The following LRBA variants were observed in gnomAD, a reference collection of about 807,000 sequenced individuals.
LRBA encodes the protein LPS responsive beige-like anchor protein, also known as lipopolysaccharide-responsive and beige-like anchor protein.
In LRBA, 176 loss-of-function variants were observed where a neutral mutation model predicts 330.0. The observed-to-expected ratio is 0.53, with a 90% CI of 0.47 to 0.60. The LOEUF (loss-of-function observed/expected upper bound fraction) is 0.60, where lower values mean the gene tolerates loss of function less well. Among genes scored for constraint, LRBA ranks in the 20% least tolerant of loss-of-function variants. LRBA has a pLI of 0.00. For missense variants in LRBA, 3,259 were observed against 3,444.8 expected (o/e 0.95, Z 1.35); for synonymous variants, 1,230 against 1,193.0 (o/e 1.03, Z -0.64).
chr4:150,462,334 CTTTTGCAATACAAGAAAAGATTTAA>C (rs1480645360), intron 44 of LRBA, among the ~76,000 whole-genome samples: 1 of 151,526 alleles, frequency 6.6e-6, no homozygotes, highest in Non-Finnish European at 1.5e-5. Flanking sequence ...TAAATGAGGA[CTTTTGCAATACAAGAAAAGATTTAA>C]TTTTCACCAG....
intron 37 of LRBA, among the ~76,000 whole-genome samples, chr4:150,660,496 C>G (rs548239371): frequency 7.9e-5 from 12 of 151,472 alleles, no homozygotes; most frequent in South Asian, 6.3e-4. Flanking sequence ...GTCAGCCCCC[C>G]CCGCCCGGCC....
intron 35 of LRBA, among the ~76,000 whole-genome samples, chr4:150,739,906 C>A (rs1458529212): frequency 1.3e-5 from 2 of 152,172 alleles, no homozygotes; most frequent in African/African-American, 4.8e-5. Context: ...CTGGCCAGCA[C>A]CTCAATTGCA....
intron 2 of LRBA, among the ~76,000 whole-genome samples, chr4:150,938,076 T>TAAA (rs58730047): frequency 7.6e-6 from 1 of 132,268 alleles, no homozygotes. Context: ...TGGTATAGTT[T>TAAA]AAAAAAAAAA....
At chr4:150,753,386 T>G (rs918453260) in intron 35 of LRBA, among the ~76,000 whole-genome samples, 1 of 152,196 alleles carries the variant, frequency 6.6e-6, no homozygotes, top group Non-Finnish European at 1.5e-5. Context: ...TGACGCTATT[T>G]TCATTTTATT....
intron 41 of LRBA, among the ~76,000 whole-genome samples, chr4:150,489,071 T>TAATATATTATATATAAGAATATATAA (rs1561249121): frequency 4.2e-5 from 4 of 94,384 alleles, no homozygotes; most frequent in South Asian, 2.8e-4. Flanking sequence ...ATATAATATA[T>TAATATATTATATATAAGAATATATAA]TATATATAAT....
intron 36 of LRBA, among the ~76,000 whole-genome samples, chr4:150,732,049 T>G (rs950955626): frequency 6.6e-6 from 1 of 152,132 alleles, no homozygotes; most frequent in African/African-American, 2.4e-5. Context: ...AATAATTAAC[T>G]AAAATGGCTT....
chr4:150,747,877 C>A (rs1450031233), intron 35 of LRBA, among the ~76,000 whole-genome samples: 1 of 152,182 alleles, frequency 6.6e-6, no homozygotes, highest in Non-Finnish European at 1.5e-5. Context: ...GTGTTTATAT[C>A]TCTAACCCTA....
At chr4:150,448,826 G>A (rs1390868020) in intron 44 of LRBA, among the ~76,000 whole-genome samples, 1 of 125,076 alleles carries the variant, frequency 8.0e-6, no homozygotes, top group Non-Finnish European at 1.7e-5. Context: ...AAAAAAAGGG[G>A]GGGGGGGTGG....
intron 37 of LRBA, among the ~76,000 whole-genome samples, chr4:150,635,517 G>C (rs970259875): frequency 1.3e-5 from 2 of 151,994 alleles, no homozygotes; most frequent in African/African-American, 4.8e-5. Context: ...CTTCCTACCA[G>C]GGTTTGTCTT....
At chr4:150,359,289 T>G (rs1738325851) in intron 47 of LRBA, among the ~76,000 whole-genome samples, 1 of 152,178 alleles carries the variant, frequency 6.6e-6, no homozygotes, top group Non-Finnish European at 1.5e-5. Flanking sequence ...TGCTAGACTC[T>G]GGGGATACTG....
chr4:150,337,717 G>T (rs1001310579), intron 48 of LRBA, among the ~76,000 whole-genome samples: 8 of 151,788 alleles, frequency 5.3e-5, no homozygotes, highest in Admixed American at 5.3e-4. Flanking sequence ...TCTTAACTTC[G>T]GTATTCAATA....
chr4:150,852,401 C>G lies in LRBA; in HGVS notation c.3309G>C (p.Glu1103Asp), dbSNP rs754899556. 1 of 1,613,628 alleles carries G rather than the reference C, an allele frequency of 6.2e-7. No individual in the cohort carries two copies. Among genetic ancestry groups the G allele is most frequent in the Admixed American group, 1.7e-5 (1 of 60,022 alleles). ...CCACATAATCATCATCTTCCTCTTCCTCTACTATAGATTTATCCAAGAATT... is the reference window on the plus strand; with the variant it reads ...CCACATAATCATCATCTTCCTCTTCGTCTACTATAGATTTATCCAAGAATT... ...MPEFLDKSIV[E>D]EEEDDDYVEL... The change falls in exon 23 of 57, where the codon GAG becomes GAC. Residue 1103 changes from glutamate to aspartate, a missense_variant. Physicochemically the swap from Glu to Asp is conservative, Grantham distance 45. Transcript: ENST00000651943.
intron 56 of LRBA, 75 bp from the exon 57 acceptor site, chr4:150,265,887 A>G: frequency 1.1e-6 from 1 of 878,664 alleles, no homozygotes; most frequent in Admixed American, 1.8e-5. Context: ...TGCTCTCCCC[A>G]AATCCACAAG....
chr4:150,456,208 C>A (rs1401537537), intron 44 of LRBA, among the ~76,000 whole-genome samples: 1 of 152,118 alleles, frequency 6.6e-6, no homozygotes, highest in African/African-American at 2.4e-5. Context: ...ATTGTTGGAT[C>A]ATATGGCAGC....
intron 22 of LRBA, 97 bp from the exon 23 acceptor site, chr4:150,853,040 T>TA (rs978790120): frequency 1.7e-5 from 9 of 537,244 alleles, no homozygotes; most frequent in Admixed American, 3.9e-5. Flanking sequence ...ATAGTTTATA[T>TA]AATACAATAA....
chr4:150,756,429 G>A (rs1734318955), intron 35 of LRBA, among the ~76,000 whole-genome samples: 1 of 151,902 alleles, frequency 6.6e-6, no homozygotes, highest in Non-Finnish European at 1.5e-5. Flanking sequence ...AAACCTCTAA[G>A]AAAATAAGAA....
At chr4:150,269,765 A>C (rs1342236172) in intron 56 of LRBA, among the ~76,000 whole-genome samples, 1 of 152,166 alleles carries the variant, frequency 6.6e-6, no homozygotes, top group Non-Finnish European at 1.5e-5. Context: ...CCTGGGCAAC[A>C]TAGTGAGACC....
At chr4:150,364,735 T>A (rs909937154) in intron 47 of LRBA, among the ~76,000 whole-genome samples, 1 of 152,142 alleles carries the variant, frequency 6.6e-6, no homozygotes, top group Non-Finnish European at 1.5e-5. Context: ...TACTTTCAAC[T>A]TGTATTACAG....
At position 150,914,033 on chromosome 4, in the gene LRBA, G is replaced by A. The variant is rs115710048; in HGVS notation, c.1161+162C>T. On this transcript the variant is annotated intron_variant, in intron 9 of 56. Transcript: ENST00000651943. ...CCATCCAATTACACTATTTCAAAAT[G>A]TACAGTTATTATTGACTATAGTCAC... Among the ~76,000 whole-genome samples the A allele has an allele frequency of 2.0e-3, 297 of 151,882 alleles. 6 individuals are homozygous for A. The highest frequency in any genetic ancestry group is 7.0e-3 in the African/African-American group (289 of 41,442).
Sources: gnomAD v4.1 joint callset for allele counts (sites outside exome capture counted in the v4.1 genomes callset) on GRCh38, gnomAD v4.1.1 for gene constraint, MANE v1.5 for transcripts, NCBI Gene and HGNC (gene_info 2026-07-23, HGNC 2026-07-21) for gene names.